EEA1: variants seen among roughly 807,000 people sequenced by gnomAD.
The protein encoded by EEA1 is early endosome antigen 1, 162kD.
In EEA1, 111 loss-of-function variants were observed where a neutral mutation model predicts 209.2. The ratio of observed to expected loss-of-function variants is 0.53; its 90% CI spans 0.45 to 0.62. EEA1 has a LOEUF of 0.62. EEA1 is among the 20% of genes least tolerant of loss of function. The pLI is 0.00. For synonymous variants in EEA1, 536 were observed against 540.6 expected, an observed-to-expected ratio of 0.99 and a Z score of 0.12; for missense variants, 1,343 against 1,530.8, an observed-to-expected ratio of 0.88 and a Z score of 2.05.
rs1227063750 is a variant in EEA1 at position 92,884,616 on chromosome 12, G to A, written c.117+7013C>T. 2.6e-5 allele frequency: 36 copies of A among 1,393,652 alleles called. 1 individual carries two copies. Among genetic ancestry groups the A allele is most frequent in the Non-Finnish European group, 3.3e-5 (33 of 994,916 alleles). The allele number at this position is 1,393,652 out of a possible 1,614,324, so 86.3% of individuals were successfully genotyped here. ...AGAAGCCCTGGCCCCTATGGTGGTG[G>A]AGGCCAATACTTTGCCAAACCATGA... On this transcript the variant is annotated intron_variant, in intron 2 of 28. Transcript: ENST00000322349.
Position 92,832,712 on chromosome 12 carries a change from T to G in EEA1, c.1054A>C (p.Arg352=), listed in dbSNP as rs148540252. Residue 352 remains arginine (R), a synonymous_variant, in exon 11 of 29, where the codon AGA becomes CGA. Coordinates refer to ENST00000322349, the MANE Select transcript of EEA1 (RefSeq NM_003566.4). ...AGTGAGGTTTCAGATGCAGACAATC[T>G]TGACTGAAGCTGTTGACAATCTAGG... The part of the protein sequence containing the change: ...KDLDCQQLQS[R]LSASETSLHR... 33 of 1,613,940 alleles carry G rather than the reference T, an allele frequency of 2.0e-5. No homozygotes were observed. Among genetic ancestry groups the G allele is most frequent in the Non-Finnish European group, 2.7e-5 (32 of 1,179,988 alleles).
chr12:92,807,550 AAAC>A (rs1233370124), intron 18 of EEA1, among the ~76,000 whole-genome samples: 1 of 152,184 alleles, frequency 6.6e-6, no homozygotes, highest in Non-Finnish European at 1.5e-5. Flanking sequence ...AGAACTCTAC[AAAC>A]AACAACTAAA....
At chr12:92,819,216 G>A in intron 14 of EEA1, 92 bp downstream of exon 14, 1 of 1,159,808 alleles carries the variant, frequency 8.6e-7, no homozygotes. Flanking sequence ...GCTAAAAAGA[G>A]CAAGAATGAA....
At chr12:92,814,606 CG>C (rs11374808) in intron 15 of EEA1, among the ~76,000 whole-genome samples, 4 of 50,192 alleles carry the variant, frequency 8.0e-5, no homozygotes, top group African/African-American at 1.2e-4. Context: ...TGATGGGGGG[CG>C]GGGGGGGAAA....
intron 3 of EEA1, chr12:92,858,133 C>T: frequency 1.7e-6 from 1 of 579,622 alleles, no homozygotes; most frequent in East Asian, 3.0e-5. Flanking sequence ...AGGGCACATT[C>T]CTCTTCACCT....
chr12:92,811,562 T>C (rs1047960465), intron 16 of EEA1, 128 bp from the exon 17 acceptor site: 2 of 552,084 alleles, frequency 3.6e-6, no homozygotes, highest in Non-Finnish European at 5.6e-6. Flanking sequence ...CTCAGATAAA[T>C]CTAATGATAT....
chr12:92,868,137 T>G (rs1219450126), intron 2 of EEA1, among the ~76,000 whole-genome samples: 1 of 152,190 alleles, frequency 6.6e-6, no homozygotes, highest in Non-Finnish European at 1.5e-5. Context: ...ATTGAGGATG[T>G]GCCTCTGGAC....
At chr12:92,908,359 T>G (rs1880457701) in intron 1 of EEA1, among the ~76,000 whole-genome samples, 1 of 152,232 alleles carries the variant, frequency 6.6e-6, no homozygotes, top group South Asian at 2.1e-4. Flanking sequence ...TTTATGAGTA[T>G]GGAGTTTAGT....
chr12:92,893,266 T>C (rs1050114820), intron 1 of EEA1, among the ~76,000 whole-genome samples: 1 of 152,182 alleles, frequency 6.6e-6, no homozygotes, highest in African/African-American at 2.4e-5. Flanking sequence ...TCATCAAAAA[T>C]ATATATGGTA....
intron 1 of EEA1, among the ~76,000 whole-genome samples, chr12:92,917,591 G>A (rs1194317007): frequency 6.6e-6 from 1 of 151,740 alleles, no homozygotes; most frequent in Non-Finnish European, 1.5e-5. Flanking sequence ...GCTCCTGAAG[G>A]AAGCGCTAAA....
chr12:92,921,866 C>CAAAAAAAA (rs756583756), intron 1 of EEA1, among the ~76,000 whole-genome samples: 68 of 83,350 alleles, frequency 8.2e-4, no homozygotes, highest in Middle Eastern at 6.8e-3. Context: ...GACTCTGTCT[C>CAAAAAAAA]AAAAAAAAAA....
chr12:92,906,560 T>A (rs1270063259), intron 1 of EEA1, among the ~76,000 whole-genome samples: 1 of 152,142 alleles, frequency 6.6e-6, no homozygotes, highest in Non-Finnish European at 1.5e-5. Context: ...CGCCTGTAAT[T>A]CCAGCACTCT....
intron 15 of EEA1, among the ~76,000 whole-genome samples, chr12:92,813,310 A>G (rs1875613032): frequency 6.6e-6 from 1 of 152,192 alleles, no homozygotes; most frequent in African/African-American, 2.4e-5. Flanking sequence ...TAATAAAAAG[A>G]TATCCTCATG....
chr12:92,852,620 T>G (rs938959066), intron 7 of EEA1, among the ~76,000 whole-genome samples: 3 of 152,138 alleles, frequency 2.0e-5, no homozygotes, highest in Non-Finnish European at 4.4e-5. Context: ...TTTACTTCAC[T>G]TCTTTAAAAT....
intron 20 of EEA1, among the ~76,000 whole-genome samples, chr12:92,799,332 T>C (rs1407502405): frequency 6.6e-6 from 1 of 152,222 alleles, no homozygotes; most frequent in Non-Finnish European, 1.5e-5. Context: ...TTAGGTGACA[T>C]GCTGGATTAA....
At chr12:92,791,536 C>T (rs143391629) in intron 21 of EEA1, among the ~76,000 whole-genome samples, 31 of 152,300 alleles carry the variant, frequency 2.0e-4, no homozygotes, top group African/African-American at 6.5e-4. Flanking sequence ...GAGGCCATTA[C>T]ATAATGTTAA....
At position 92,823,208 on chromosome 12, in the gene EEA1, T is replaced by G. The variant is rs1264085793; in HGVS notation, c.1524+2958A>C. Among the ~76,000 whole-genome samples the G allele has an allele frequency of 5.9e-5, 9 of 152,350 alleles. No individual in the cohort carries two copies. The South Asian group carries it at 1.7e-3, about 28-fold the overall frequency. On this transcript the variant is annotated intron_variant, in intron 13 of 28. Coordinates refer to ENST00000322349, the MANE Select transcript of EEA1 (RefSeq NM_003566.4). ...GAATATTCTATTTAAAAAGCAAATCTGACTATGGCAATTCTTTCTTAAGAC... is the reference window on the plus strand; with the variant it reads ...GAATATTCTATTTAAAAAGCAAATCGGACTATGGCAATTCTTTCTTAAGAC...
intron 10 of EEA1, chr12:92,835,400 C>CTTTTTTTATTTTTTT (rs1876875221): frequency 6.8e-6 from 1 of 147,936 alleles, no homozygotes. Context: ...AGTTTCACTC[C>CTTTTTTTATTTTTTT]TTTTTTTTTT....
chr12:92,877,173 T>G (rs1267775048), intron 2 of EEA1, among the ~76,000 whole-genome samples: 2 of 151,100 alleles, frequency 1.3e-5, no homozygotes, highest in African/African-American at 4.9e-5. Flanking sequence ...GAGACAGGGT[T>G]TCTCCATGTT....
Sources: gnomAD v4.1 joint callset for allele counts (sites outside exome capture counted in the v4.1 genomes callset) on GRCh38, gnomAD v4.1.1 for gene constraint, MANE v1.5 for transcripts, NCBI Gene and HGNC (gene_info 2026-07-23, HGNC 2026-07-21) for gene names.